The following IL7 variants were observed in gnomAD, a reference collection of about 807,000 sequenced individuals.
IL7 encodes interleukin-7.
Under a neutral mutation model 21.6 loss-of-function variants are expected in IL7, and 3 were observed. That is an observed-to-expected ratio of 0.14 (90% confidence interval 0.06 to 0.36). IL7 has a LOEUF of 0.36. IL7 is among the 10% of genes least tolerant of loss of function. IL7 has a pLI of 1.00. For synonymous variants in IL7, 62 were observed against 68.1 expected (o/e 0.91, Z 0.44); for missense variants, 175 against 200.2 (o/e 0.87, Z 0.76).
At chr8:78,742,928 T>A (rs1185024785) in intron 2 of IL7, among the ~76,000 whole-genome samples, 1 of 152,234 alleles carries the variant, frequency 6.6e-6, no homozygotes, top group East Asian at 1.9e-4. Flanking sequence ...CCCCTGTATG[T>A]GTCCATGTGT....
chr8:78,747,440 C>T (rs1812019555), intron 2 of IL7, among the ~76,000 whole-genome samples: 1 of 152,122 alleles, frequency 6.6e-6, no homozygotes, highest in Non-Finnish European at 1.5e-5. Context: ...AAATATTTTT[C>T]ATTTCTGATC....
downstream of IL7, among the ~76,000 whole-genome samples, chr8:78,714,677 G>A (rs141785547): frequency 5.8e-3 from 877 of 152,204 alleles, 8 homozygotes; most frequent in African/African-American, 0.02. Flanking sequence ...CTCTGATTTC[G>A]GATAGCCCAG....
chr8:78,791,397 C>A (rs531868252), intron 2 of IL7, among the ~76,000 whole-genome samples: 26 of 152,062 alleles, frequency 1.7e-4, no homozygotes, highest in Non-Finnish European at 3.4e-4. Context: ...CCCAGCACTT[C>A]GAGAGGCTGA....
intron 1 of IL7, among the ~76,000 whole-genome samples, chr8:78,801,112 C>T (rs545040780): frequency 6.6e-6 from 1 of 152,204 alleles, no homozygotes; most frequent in African/African-American, 2.4e-5. Flanking sequence ...ATTTGCCTTG[C>T]CTGTTAAGAG....
At chr8:78,700,367 T>C (rs1043457977) in intron 3 of IL7, among the ~76,000 whole-genome samples, 4 of 152,120 alleles carry the variant, frequency 2.6e-5, no homozygotes, top group Non-Finnish European at 5.9e-5. Flanking sequence ...GTTTTTTTCT[T>C]GTAAGTTTGT....
chr8:78,776,169 C>A (rs1472278598), intron 2 of IL7, among the ~76,000 whole-genome samples: 1 of 151,836 alleles, frequency 6.6e-6, no homozygotes, highest in Non-Finnish European at 1.5e-5. Flanking sequence ...CTTTTTGGGG[C>A]CATTATGAAG....
intron 2 of IL7, among the ~76,000 whole-genome samples, chr8:78,768,936 C>T (rs968384045): frequency 4.6e-5 from 7 of 152,122 alleles, no homozygotes; most frequent in Admixed American, 3.9e-4. Flanking sequence ...ACAAAAACCA[C>T]ATGATTATCT....
chr8:78,795,207 G>A (rs769110430), intron 2 of IL7, among the ~76,000 whole-genome samples: 3 of 152,000 alleles, frequency 2.0e-5, no homozygotes, highest in Non-Finnish European at 4.4e-5. Flanking sequence ...TTAGTATTAT[G>A]GTCTCCCCAA....
chr8:78,697,321 C>T, intron 3 of IL7: 1 of 1,105,746 alleles, frequency 9.0e-7, no homozygotes, highest in South Asian at 1.7e-5. Flanking sequence ...AATCCTAAAC[C>T]CAAAGAATGT....
In IL7 at chr8:78,763,763, A is replaced by G. The variant is rs182611629; in HGVS notation, c.148-23681T>C. Among the ~76,000 whole-genome samples the G allele has an allele frequency of 7.5e-4, 114 of 152,326 alleles. No homozygotes were observed. In the East Asian group the frequency reaches 0.021, roughly 28 times the overall value. ...AATAGTTAAGGACAATATTGTATCA[A>G]TGCTCCACACTATCTGACAGTGTGT... On this transcript the variant is annotated intron_variant, in intron 2 of 5. Coordinates refer to ENST00000263851, the MANE Select transcript of IL7 (RefSeq NM_000880.4).
downstream of IL7, among the ~76,000 whole-genome samples, chr8:78,729,442 C>T (rs1811386142): frequency 6.6e-6 from 1 of 152,040 alleles, no homozygotes; most frequent in Non-Finnish European, 1.5e-5. Context: ...CCCTATTTGG[C>T]TGTGAACAGA....
At chr8:78,689,450 A>C in intron 3 of IL7, 1 of 1,367,788 alleles carries the variant, frequency 7.3e-7, no homozygotes, top group East Asian at 2.6e-5. Flanking sequence ...TATGCTTTTC[A>C]TGACATTAGA....
At chr8:78,774,532 TC>T (rs1175561947) in intron 2 of IL7, among the ~76,000 whole-genome samples, 1 of 152,114 alleles carries the variant, frequency 6.6e-6, no homozygotes, top group Non-Finnish European at 1.5e-5. Context: ...TATATTAATT[TC>T]CCAGTCCTTC....
chr8:78,731,563 G>A (rs1461512108), downstream of IL7, among the ~76,000 whole-genome samples: 1 of 151,356 alleles, frequency 6.6e-6, no homozygotes, highest in Non-Finnish European at 1.5e-5. Context: ...GCATTGACAA[G>A]GATTAGCATT....
chr8:78,736,170 T>C (rs1451046622), intron 5 of IL7, among the ~76,000 whole-genome samples: 6 of 151,764 alleles, frequency 4.0e-5, no homozygotes, highest in Non-Finnish European at 8.8e-5. Context: ...TTTTCTCCTA[T>C]ATAAATTATT....
At chr8:78,795,950 G>A (rs964251573) in intron 2 of IL7, among the ~76,000 whole-genome samples, 1 of 151,982 alleles carries the variant, frequency 6.6e-6, no homozygotes, top group African/African-American at 2.4e-5. Flanking sequence ...TTCAGTATGA[G>A]TATGTGGAAG....
At chr8:78,798,307 A>T (rs1364545933) in intron 1 of IL7, 99 bp from the exon 2 acceptor site, 26 of 826,326 alleles carry the variant, frequency 3.1e-5, no homozygotes, top group Non-Finnish European at 4.4e-5. Flanking sequence ...TAATAATTTT[A>T]AAAATACATC....
chr8:78,729,438 T>G (rs1464123508), downstream of IL7, among the ~76,000 whole-genome samples: 1 of 152,060 alleles, frequency 6.6e-6, no homozygotes, highest in Non-Finnish European at 1.5e-5. Context: ...AAACCCCTAT[T>G]TGGCTGTGAA....
chr8:78,702,428 G>T (rs1304770202), intron 3 of IL7, among the ~76,000 whole-genome samples: 1 of 152,040 alleles, frequency 6.6e-6, no homozygotes, highest in Non-Finnish European at 1.5e-5. Context: ...TCCTAGATTT[G>T]TTGATCTTTT....
Sources: allele counts gnomAD v4.1 joint callset (sites outside exome capture counted in the v4.1 genomes callset), GRCh38; gene constraint gnomAD v4.1.1; transcripts MANE v1.5; gene names NCBI Gene and HGNC (gene_info 2026-07-23, HGNC 2026-07-21).